Variants in GPC6 observed in about 807,000 individuals in gnomAD.
GPC6 encodes the protein glypican 6.
GPC6 carries 14 observed loss-of-function variants against 55.2 expected under a neutral mutation model. That is an observed-to-expected ratio of 0.25 (90% CI 0.17 to 0.40). The LOEUF (loss-of-function observed/expected upper bound fraction) is 0.40, where lower values mean the gene tolerates loss of function less well. Ranked by LOEUF, GPC6 falls within the 10% of genes least tolerant of loss-of-function variation. GPC6 has a pLI of 1.00. For synonymous variants in GPC6, 278 were observed against 259.6 expected (o/e 1.07, Z -0.68); for missense variants, 641 against 708.5 (o/e 0.90, Z 1.08).
intron 3 of GPC6, among the ~76,000 whole-genome samples, chr13:93,874,884 A>G (rs1889242955): frequency 2.0e-5 from 3 of 151,998 alleles, no homozygotes; most frequent in Middle Eastern, 6.8e-3. Context: ...ATTTGCCATT[A>G]TCTAAAATCA....
chr13:93,270,995 T>C (rs1410367859), intron 1 of GPC6, among the ~76,000 whole-genome samples: 2 of 152,182 alleles, frequency 1.3e-5, no homozygotes, highest in Non-Finnish European at 2.9e-5. Context: ...TAATGGTACA[T>C]CTGGACAATC....
At chr13:93,548,787 A>C (rs1035159869) in intron 2 of GPC6, among the ~76,000 whole-genome samples, 6 of 152,196 alleles carry the variant, frequency 3.9e-5, no homozygotes, top group Non-Finnish European at 8.8e-5. Flanking sequence ...CAAATTTTAG[A>C]AATACATAAT....
chr13:94,333,404 TAAGA>T (rs1877525604), intron 6 of GPC6, among the ~76,000 whole-genome samples: 1 of 152,156 alleles, frequency 6.6e-6, no homozygotes, highest in Non-Finnish European at 1.5e-5. Flanking sequence ...AACAGCGGCT[TAAGA>T]AAGTTTGCAT....
intron 1 of GPC6, among the ~76,000 whole-genome samples, chr13:93,283,501 G>T (rs553789262): frequency 6.6e-6 from 1 of 152,126 alleles, no homozygotes; most frequent in Non-Finnish European, 1.5e-5. Flanking sequence ...ATGACCAACA[G>T]ATCTAAACTC....
chr13:94,223,901 A>C (rs1890463114), intron 4 of GPC6, among the ~76,000 whole-genome samples: 1 of 152,152 alleles, frequency 6.6e-6, no homozygotes, highest in African/African-American at 2.4e-5. Flanking sequence ...ACTTGCACAG[A>C]GCAGTGCTAG....
chr13:93,669,844 G>T (rs550735793), intron 2 of GPC6, among the ~76,000 whole-genome samples: 1 of 149,320 alleles, frequency 6.7e-6, no homozygotes. Flanking sequence ...AAAAAAAAAA[G>T]CACATATTGA....
At position 94,403,721 on chromosome 13, in the gene GPC6, A is replaced by C. The variant is rs1351111956; in HGVS notation, c.*504A>C. On this transcript the variant is annotated 3_prime_UTR_variant, in exon 9 of 9. Transcript: ENST00000377047. ...CTTCCAGTGTAAGCTTTTTTGTGAC[A>C]AATCCGGGTTTAAAAATGCTTATGG... 2 of 193,996 alleles carry C rather than the reference A, an allele frequency of 1.0e-5. No individual in the cohort carries two copies. The allele number at this position is 193,996 out of a possible 1,614,324, so 12.0% of individuals were successfully genotyped here.
At chr13:93,549,681 C>A (rs746544879) in intron 2 of GPC6, among the ~76,000 whole-genome samples, 1 of 152,046 alleles carries the variant, frequency 6.6e-6, no homozygotes, top group East Asian at 1.9e-4. Context: ...CTCTATCTCA[C>A]CCTGCTGGGC....
chr13:93,325,202 A>G (rs1879612609), intron 1 of GPC6, among the ~76,000 whole-genome samples: 1 of 152,184 alleles, frequency 6.6e-6, no homozygotes, highest in South Asian at 2.1e-4. Flanking sequence ...TAGTCCCCAC[A>G]TAACCCCCCA....
chr13:93,853,568 A>T (rs1360598334), intron 3 of GPC6, among the ~76,000 whole-genome samples: 4 of 150,844 alleles, frequency 2.7e-5, no homozygotes, highest in Non-Finnish European at 5.9e-5. Context: ...AGACAGAAAT[A>T]AAAAAAATAT....
intron 2 of GPC6, among the ~76,000 whole-genome samples, chr13:93,742,697 A>G (rs901824267): frequency 1.2e-4 from 19 of 152,280 alleles, no homozygotes; most frequent in Admixed American, 9.8e-4. Flanking sequence ...GTTATCAAAG[A>G]TCATCACACT....
the GPC6 span, among the ~76,000 whole-genome samples, chr13:93,218,683 T>C: frequency 6.6e-6 from 1 of 152,228 alleles, no homozygotes; most frequent in South Asian, 2.1e-4. Context: ...TGACAAAGAA[T>C]ATGCCACAGG....
intron 1 of GPC6, among the ~76,000 whole-genome samples, chr13:93,347,982 A>T (rs1286902978): frequency 6.6e-6 from 1 of 152,184 alleles, no homozygotes; most frequent in Non-Finnish European, 1.5e-5. Flanking sequence ...CCAAGTAAAG[A>T]TCCTGAGATG....
At chr13:94,170,203 A>G (rs1888511440) in intron 4 of GPC6, among the ~76,000 whole-genome samples, 1 of 152,222 alleles carries the variant, frequency 6.6e-6, no homozygotes, top group Non-Finnish European at 1.5e-5. Flanking sequence ...TGGCATCAGC[A>G]GTTATTGAAA....
chr13:93,574,096 G>C (rs1429950266), intron 2 of GPC6, among the ~76,000 whole-genome samples: 1 of 152,044 alleles, frequency 6.6e-6, no homozygotes, highest in Non-Finnish European at 1.5e-5. Context: ...TTGTGTAAGA[G>C]TTTTATTTTA....
chr13:93,999,311 G>A (rs750922194), intron 3 of GPC6, among the ~76,000 whole-genome samples: 1 of 152,146 alleles, frequency 6.6e-6, no homozygotes, highest in African/African-American at 2.4e-5. Flanking sequence ...ATAGTTTGCT[G>A]AGAATGGTGG....
intron 2 of GPC6, among the ~76,000 whole-genome samples, chr13:93,596,612 T>A (rs397851357): frequency 5.4e-5 from 1 of 18,628 alleles, no homozygotes; most frequent in Non-Finnish European, 2.5e-4. Context: ...AATAAATAAA[T>A]ATATATATAT....
At chr13:93,821,518 T>G (rs971237056) in intron 2 of GPC6, among the ~76,000 whole-genome samples, 3 of 152,210 alleles carry the variant, frequency 2.0e-5, no homozygotes, top group Non-Finnish European at 4.4e-5. Context: ...AGTCTCTTCC[T>G]GGGCTGGTCA....
At chr13:94,131,060 A>C (rs1397285861) in intron 4 of GPC6, among the ~76,000 whole-genome samples, 1 of 152,142 alleles carries the variant, frequency 6.6e-6, no homozygotes, top group African/African-American at 2.4e-5. Context: ...TGAGGAAAGA[A>C]GTAGCAGTCT....
Sources: allele counts gnomAD v4.1 joint callset (sites outside exome capture counted in the v4.1 genomes callset), GRCh38; gene constraint gnomAD v4.1.1; transcripts MANE v1.5; gene names NCBI Gene and HGNC (gene_info 2026-07-23, HGNC 2026-07-21).